Variants in PKIA observed in about 807,000 individuals in gnomAD.
PKIA encodes cAMP-dependent protein kinase inhibitor alpha, also known as PKI-alpha.
PKIA carries 4 observed loss-of-function variants against 7.6 expected under a neutral mutation model. That is an observed-to-expected ratio of 0.52 (90% CI 0.26 to 1.20). The LOEUF is 1.20. Among genes scored for constraint, PKIA ranks in the 50% most tolerant of loss-of-function variants. PKIA has a pLI of 0.13. For synonymous variants in PKIA, 21 were observed against 30.7 expected, an observed-to-expected ratio of 0.68 and a Z score of 1.04; for missense variants, 73 against 86.2, an observed-to-expected ratio of 0.85 and a Z score of 0.61.
chr8:78,572,572 CAATT>C (rs906059569), intron 1 of PKIA, among the ~76,000 whole-genome samples: 8 of 150,958 alleles, frequency 5.3e-5, no homozygotes, highest in African/African-American at 1.5e-4. Flanking sequence ...CACACACACA[CAATT>C]AATTAACAAA....
intron 1 of PKIA, among the ~76,000 whole-genome samples, chr8:78,556,312 T>C (rs1178251074): frequency 6.6e-6 from 1 of 152,072 alleles, no homozygotes; most frequent in Admixed American, 6.6e-5. Context: ...CAAGAATAAA[T>C]GTGATGCCAA....
chr8:78,592,283 G>A (rs1454819781), intron 2 of PKIA, among the ~76,000 whole-genome samples: 1 of 152,020 alleles, frequency 6.6e-6, no homozygotes, highest in African/African-American at 2.4e-5. Context: ...TATTTGTTGT[G>A]TGCTATTTGT....
At chr8:78,560,075 T>C (rs1198229545) in intron 1 of PKIA, among the ~76,000 whole-genome samples, 1 of 152,222 alleles carries the variant, frequency 6.6e-6, no homozygotes, top group Non-Finnish European at 1.5e-5. Flanking sequence ...GCAAGCCTTT[T>C]GTTAAAAATA....
chr8:78,546,121 C>T (rs976926115), intron 1 of PKIA, among the ~76,000 whole-genome samples: 5 of 152,056 alleles, frequency 3.3e-5, no homozygotes, highest in Non-Finnish European at 5.9e-5. Flanking sequence ...ATGGCTTTGT[C>T]GAATACATCA....
At chr8:78,546,927 A>T (rs186278264) in intron 1 of PKIA, among the ~76,000 whole-genome samples, 8 of 152,252 alleles carry the variant, frequency 5.3e-5, no homozygotes, top group African/African-American at 1.7e-4. Context: ...TGTGAATGAG[A>T]TCTGTCCACT....
chr8:78,541,750 C>T (rs1806695287), intron 1 of PKIA, among the ~76,000 whole-genome samples: 1 of 151,722 alleles, frequency 6.6e-6, no homozygotes, highest in African/African-American at 2.4e-5. Context: ...AACAAAACAG[C>T]CCTCTTTGTT....
At chr8:78,563,145 TACTC>T (rs1457689852) in intron 1 of PKIA, among the ~76,000 whole-genome samples, 2 of 152,282 alleles carry the variant, frequency 1.3e-5, no homozygotes, top group East Asian at 3.9e-4. Context: ...TTAACTTCCT[TACTC>T]TAAAATTTCA....
intron 1 of PKIA, among the ~76,000 whole-genome samples, chr8:78,528,535 T>C (rs1806306395): frequency 6.6e-6 from 1 of 151,630 alleles, no homozygotes; most frequent in South Asian, 2.1e-4. Context: ...TAAATACATA[T>C]AATCTGGGAC....
intron 1 of PKIA, among the ~76,000 whole-genome samples, chr8:78,528,678 AT>A (rs1806311062): frequency 6.6e-6 from 1 of 150,490 alleles, no homozygotes; most frequent in Non-Finnish European, 1.5e-5. Flanking sequence ...AAAAAAAAAA[AT>A]TACAAGTCCA....
At chr8:78,567,998 G>T (rs758463296) in intron 1 of PKIA, among the ~76,000 whole-genome samples, 7 of 152,032 alleles carry the variant, frequency 4.6e-5, no homozygotes, top group Non-Finnish European at 5.9e-5. Flanking sequence ...TCTAGAATTG[G>T]TCCTTTCTCC....
chr8:78,524,617 C>G (rs1809507097), intron 1 of PKIA, among the ~76,000 whole-genome samples: 1 of 151,760 alleles, frequency 6.6e-6, no homozygotes, highest in Non-Finnish European at 1.5e-5. Context: ...TAAAAGTTGG[C>G]TAAGATACAG....
intron 2 of PKIA, among the ~76,000 whole-genome samples, chr8:78,585,512 A>G (rs1807930470): frequency 6.6e-6 from 1 of 152,164 alleles, no homozygotes. Flanking sequence ...CAGACATGTA[A>G]TAGCAATGAA....
chr8:78,530,780 G>T (rs1314061757), intron 1 of PKIA, among the ~76,000 whole-genome samples: 1 of 151,902 alleles, frequency 6.6e-6, no homozygotes. Flanking sequence ...TATATAATTG[G>T]CAACCTAATG....
In PKIA at chr8:78,603,446, A is replaced by G. The variant is rs1004836322; in HGVS notation, c.*1625A>G. The G allele has an allele frequency of 2.0e-5, 3 of 151,968 alleles. No homozygotes were observed. Among genetic ancestry groups the G allele is most frequent in the Admixed American group, 2.0e-4 (3 of 15,206 alleles). 9.4% of individuals were successfully genotyped at this position (151,968 alleles called of 1,614,324 possible). A position where few individuals can be genotyped will look rare whatever the true frequency, so the allele number is the denominator to read the frequency against. On this transcript the variant is annotated 3_prime_UTR_variant, in exon 4 of 4. Transcript: ENST00000396418. ...ACTTCTCCTTCTACAGGGCATTTCA[A>G]CTGACTGGAATAAGGGCATGGTTGC...
chr8:78,572,824 TG>T lies in PKIA; in HGVS notation c.-142del, dbSNP rs1321720044. The T allele has an allele frequency of 6.6e-6, 1 of 152,054 alleles. No homozygotes were observed. The highest frequency in any genetic ancestry group is 2.4e-5 in the African/African-American group (1 of 41,420). The allele number at this position is 152,054 out of a possible 1,614,324, so 9.4% of individuals were successfully genotyped here. A position where few individuals can be genotyped will look rare whatever the true frequency, so the allele number is the denominator to read the frequency against. On this transcript the variant is annotated 5_prime_UTR_variant, in exon 2 of 4. Transcript: ENST00000396418. ...TCTGCATTTCAGTTTCCTGACTTTC[TG>T]AGAAGCCCTGGTTTCCCCAAAGAAG...
intron 1 of PKIA, among the ~76,000 whole-genome samples, chr8:78,516,765 G>T (rs1809323838): frequency 6.6e-6 from 1 of 152,158 alleles, no homozygotes; most frequent in Non-Finnish European, 1.5e-5. Context: ...AAAATAATTT[G>T]AGTTACTCTT....
intron 3 of PKIA, among the ~76,000 whole-genome samples, chr8:78,600,659 C>T (rs1050843747): frequency 1.3e-5 from 2 of 152,098 alleles, no homozygotes; most frequent in Non-Finnish European, 2.9e-5. Flanking sequence ...GAGCCTCTCA[C>T]AATAAAATAG....
At chr8:78,524,899 T>C (rs1809513025) in intron 1 of PKIA, among the ~76,000 whole-genome samples, 1 of 151,878 alleles carries the variant, frequency 6.6e-6, no homozygotes, top group Non-Finnish European at 1.5e-5. Context: ...AAAACATTAG[T>C]TGAACAACAA....
intron 1 of PKIA, among the ~76,000 whole-genome samples, chr8:78,570,347 G>A (rs539316216): frequency 1.6e-4 from 24 of 152,088 alleles, no homozygotes; most frequent in Non-Finnish European, 2.6e-4. Flanking sequence ...AGCAGATTTC[G>A]GATCTGAAAC....
Sources: allele counts gnomAD v4.1 joint callset (sites outside exome capture counted in the v4.1 genomes callset), GRCh38; gene constraint gnomAD v4.1.1; transcripts MANE v1.5; gene names NCBI Gene and HGNC (gene_info 2026-07-23, HGNC 2026-07-21).